Variants in SLC38A6 observed in about 807,000 individuals in gnomAD.
The protein encoded by SLC38A6 is N system amino acid transporter NAT-1.
In SLC38A6, 73 loss-of-function variants were observed where a neutral mutation model predicts 65.0. That is an observed-to-expected ratio of 1.12 (90% CI 0.93 to 1.37). SLC38A6 has a LOEUF of 1.37. Ranked by LOEUF, SLC38A6 falls within the 40% of genes most tolerant of loss-of-function variation. The pLI is 0.00. For missense variants in SLC38A6, 561 were observed against 531.1 expected, an observed-to-expected ratio of 1.06 and a Z score of -0.55; for synonymous variants, 183 against 178.8, an observed-to-expected ratio of 1.02 and a Z score of -0.19.
At chr14:61,073,806 A>G (rs530978849) in intron 15 of SLC38A6, 5 of 151,834 alleles carry the variant, frequency 3.3e-5, no homozygotes, top group African/African-American at 1.2e-4. Context: ...GTGTGGGTCC[A>G]CTTATATGGG....
chr14:61,008,620 C>G (rs915495247), intron 3 of SLC38A6, among the ~76,000 whole-genome samples: 9 of 152,030 alleles, frequency 5.9e-5, no homozygotes, highest in African/African-American at 2.2e-4. Flanking sequence ...AAACATAAAG[C>G]TATATGATCT....
intron 16 of SLC38A6, among the ~76,000 whole-genome samples, chr14:61,083,383 T>G (rs1046993440): frequency 6.6e-6 from 1 of 152,188 alleles, no homozygotes; most frequent in Non-Finnish European, 1.5e-5. Context: ...TCATTGCTAT[T>G]AGCTGTTATG....
intron 15 of SLC38A6, among the ~76,000 whole-genome samples, chr14:61,072,286 A>C (rs553572183): frequency 6.6e-6 from 1 of 152,180 alleles, no homozygotes; most frequent in African/African-American, 2.4e-5. Context: ...TATGGAGTAC[A>C]TGACATGTTT....
exon 17 of SLC38A6, chr14:61,083,636 G>A (rs1244053487): frequency 1.2e-5 from 18 of 1,550,434 alleles, no homozygotes; most frequent in South Asian, 2.4e-5. Context: ...CAAGCCAAGG[G>A]AAGAGGCCTC....
At chr14:60,991,420 T>C (rs2037876868) in intron 3 of SLC38A6, among the ~76,000 whole-genome samples, 1 of 152,186 alleles carries the variant, frequency 6.6e-6, no homozygotes, top group Admixed American at 6.5e-5. Flanking sequence ...CGTATCAATA[T>C]TATTTCCATT....
intron 8 of SLC38A6, among the ~76,000 whole-genome samples, chr14:61,042,400 A>C (rs1226419432): frequency 6.6e-6 from 1 of 152,186 alleles, no homozygotes. Flanking sequence ...TTACAGAGTA[A>C]TTATGTGCCC....
At chr14:61,074,761 T>C (rs915571474) in intron 15 of SLC38A6, among the ~76,000 whole-genome samples, 6 of 143,754 alleles carry the variant, frequency 4.2e-5, no homozygotes, top group Non-Finnish European at 9.2e-5. Context: ...TCACAAATGT[T>C]GTCCCTTTCT....
At chr14:61,054,766 G>T (rs573570897), downstream of SLC38A6, among the ~76,000 whole-genome samples, 80 of 152,104 alleles carry the variant, frequency 5.3e-4, no homozygotes, top group African/African-American at 1.9e-3. Flanking sequence ...GAGCTTTTGG[G>T]TGGAGACCAT....
chr14:60,983,303 C>G (rs2037210657), intron 2 of SLC38A6, among the ~76,000 whole-genome samples: 1 of 152,126 alleles, frequency 6.6e-6, no homozygotes, highest in South Asian at 2.1e-4. Context: ...CCAACCTGGG[C>G]AAGATGGTGA....
At chr14:61,034,141 A>C (rs969864699) in intron 6 of SLC38A6, 4 of 152,110 alleles carry the variant, frequency 2.6e-5, no homozygotes, top group African/African-American at 9.7e-5. Flanking sequence ...CCCACAGTTC[A>C]GTGCTTTGGT....
intron 16 of SLC38A6, among the ~76,000 whole-genome samples, chr14:61,079,334 A>C (rs1299840499): frequency 6.6e-6 from 1 of 151,564 alleles, no homozygotes; most frequent in Non-Finnish European, 1.5e-5. Context: ...GCGGGGTTTC[A>C]CCATGTTGGT....
At chr14:60,987,351 G>T (rs2139688910) in intron 3 of SLC38A6, 1 of 153,116 alleles carries the variant, frequency 6.5e-6, no homozygotes, top group East Asian at 1.9e-4. Flanking sequence ...TTATTTGCTG[G>T]TGGTAAAGGG....
chr14:61,013,999 T>C (rs1229081092), intron 3 of SLC38A6, among the ~76,000 whole-genome samples: 1 of 152,240 alleles, frequency 6.6e-6, no homozygotes, highest in African/African-American at 2.4e-5. Context: ...AGTTCCATTC[T>C]CCCTATCACT....
At chr14:61,021,872 T>C (rs1032056860) in intron 5 of SLC38A6, among the ~76,000 whole-genome samples, 6 of 152,192 alleles carry the variant, frequency 3.9e-5, no homozygotes, top group Non-Finnish European at 2.9e-5. Context: ...TTCTTTATTA[T>C]AATAGAATTG....
intron 3 of SLC38A6, among the ~76,000 whole-genome samples, chr14:61,003,947 AT>A (rs2038892273): frequency 6.6e-6 from 1 of 152,028 alleles, no homozygotes; most frequent in South Asian, 2.1e-4. Flanking sequence ...TTTCTTCTCA[AT>A]TTGGAAGTTT....
chr14:61,016,030 C>A, intron 4 of SLC38A6, 74 bp downstream of exon 4: 4 of 1,071,094 alleles, frequency 3.7e-6, no homozygotes, highest in South Asian at 1.6e-5. Context: ...TTAAAAGAGA[C>A]AAGTATATAC....
chr14:61,043,456 A>C lies in SLC38A6; in HGVS notation c.697A>C (p.Asn233His), dbSNP rs753245848. The change falls in exon 10 of 16, where the codon AAT (asparagine) becomes CAT (histidine). Residue 233 changes from asparagine (N) to histidine (H), a missense_variant. Asn to His is a moderately conservative substitution (Grantham distance 68). Transcript: ENST00000267488. ...NYVEKGFQIS[N>H]VTDDCKPKLF... Reference sequence around the variant, plus strand: ...CCTCAATGCTCTTAAACAGATTTCAAATGTTACAGATGATTGTAAGCCAAA... The same window carrying C: ...CCTCAATGCTCTTAAACAGATTTCACATGTTACAGATGATTGTAAGCCAAA... 3 of 1,606,678 alleles carry C rather than the reference A, an allele frequency of 1.9e-6. No individual in the cohort carries two copies. Among genetic ancestry groups the C allele is most frequent in the Non-Finnish European group, 2.5e-6 (3 of 1,177,132 alleles).
intron 3 of SLC38A6, among the ~76,000 whole-genome samples, chr14:60,992,206 A>G (rs145784573): frequency 6.6e-6 from 1 of 152,318 alleles, no homozygotes; most frequent in Admixed American, 6.5e-5. Context: ...CTGCCGAAAC[A>G]TATCAGCTAC....
intron 3 of SLC38A6, among the ~76,000 whole-genome samples, chr14:61,000,678 T>C (rs1447565515): frequency 6.6e-6 from 1 of 152,156 alleles, no homozygotes; most frequent in Non-Finnish European, 1.5e-5. Flanking sequence ...AATACAGTGT[T>C]CAATATCTAC....
Sources: allele counts gnomAD v4.1 joint callset (sites outside exome capture counted in the v4.1 genomes callset), GRCh38; gene constraint gnomAD v4.1.1; transcripts MANE v1.5; gene names NCBI Gene and HGNC (gene_info 2026-07-23, HGNC 2026-07-21).